Variants in NLGN4X observed in about 807,000 individuals in gnomAD.
The protein encoded by NLGN4X is neuroligin-4, X-linked.
NLGN4X carries 3 observed loss-of-function variants against 40.3 expected under a neutral mutation model. The ratio of observed to expected loss-of-function variants is 0.07; its 90% CI spans 0.03 to 0.19. The LOEUF is 0.19. NLGN4X is among the 10% of genes least tolerant of loss of function. The pLI is 1.00. For missense variants in NLGN4X, 382 were observed against 708.3 expected (o/e 0.54, Z 5.23); for synonymous variants, 270 against 306.8 (o/e 0.88, Z 1.25).
chrX:6,036,383 C>T lies in NLGN4X; in HGVS notation c.473-6951G>A, dbSNP rs1187467910. On this transcript the variant is annotated intron_variant, in intron 2 of 5. Coordinates refer to ENST00000381095, the MANE Select transcript of NLGN4X (RefSeq NM_181332.3). ...GAAACATAATTAGATGCTGTCTTTC[C>T]TGTTCTACGTATATTTAATTTGTTT... Among the ~76,000 whole-genome samples, 17 of 111,553 alleles carry T rather than the reference C, an allele frequency of 1.5e-4. No homozygotes were observed. In the Admixed American group the frequency reaches 1.5e-3, roughly 10 times the overall value.
chrX:6,206,743 G>C (rs1157969799), intron 1 of NLGN4X, among the ~76,000 whole-genome samples: 1 of 111,639 alleles, frequency 9.0e-6, no homozygotes, highest in African/African-American at 3.3e-5. Context: ...TCTTCACATG[G>C]TGGTTACGAC....
intron 4 of NLGN4X, among the ~76,000 whole-genome samples, chrX:5,907,180 T>C (rs2032235862): frequency 9.0e-6 from 1 of 111,707 alleles, no homozygotes; most frequent in South Asian, 3.8e-4. Flanking sequence ...TACAAAGCTG[T>C]CTTGATGACT....
chrX:6,131,690 G>A (rs898596685), intron 2 of NLGN4X, among the ~76,000 whole-genome samples: 6 of 112,271 alleles, frequency 5.3e-5, no homozygotes, highest in Non-Finnish European at 1.1e-4. Context: ...ACCAACTTCT[G>A]TAGCTTTGGA....
At chrX:6,169,035 C>A (rs2040553016) in intron 1 of NLGN4X, among the ~76,000 whole-genome samples, 1 of 112,007 alleles carries the variant, frequency 8.9e-6, no homozygotes, top group African/African-American at 3.2e-5. Flanking sequence ...ACTGTCCTCT[C>A]TCAGAGGGTC....
chrX:5,905,768 C>T (rs1238598789), intron 4 of NLGN4X, among the ~76,000 whole-genome samples: 1 of 112,022 alleles, frequency 8.9e-6, no homozygotes, highest in Non-Finnish European at 1.9e-5. Flanking sequence ...GAGCCTCTGC[C>T]TTCCAGGCTC....
intron 3 of NLGN4X, among the ~76,000 whole-genome samples, chrX:5,991,146 G>A (rs1157645414): frequency 9.0e-6 from 1 of 111,651 alleles, no homozygotes; most frequent in Non-Finnish European, 1.9e-5. Context: ...GCATTTGGGG[G>A]TGAAATATGT....
chrX:5,949,658 C>T (rs2034243194), intron 3 of NLGN4X, among the ~76,000 whole-genome samples: 1 of 111,809 alleles, frequency 8.9e-6, no homozygotes, highest in African/African-American at 3.3e-5. Flanking sequence ...TAGATGAAAA[C>T]TCGCATTATT....
At chrX:6,161,972 G>A (rs945795155) in intron 1 of NLGN4X, among the ~76,000 whole-genome samples, 66 of 111,709 alleles carry the variant, frequency 5.9e-4, no homozygotes, top group African/African-American at 2.1e-3. Context: ...TTAGGTTCAG[G>A]AATTTTTCCT....
intron 5 of NLGN4X, among the ~76,000 whole-genome samples, chrX:5,897,244 A>G (rs768289665): frequency 2.4e-4 from 27 of 111,836 alleles, no homozygotes; most frequent in Admixed American, 1.9e-4. Context: ...CATACCTTAT[A>G]AATAAACCAA....
At position 6,156,587 on chromosome X, in the gene NLGN4X, T is replaced by C. The variant is rs182607984; in HGVS notation, c.-305-4816A>G. Among the ~76,000 whole-genome samples, 334 of 112,084 alleles carry C rather than the reference T, an allele frequency of 3.0e-3. 2 individuals are homozygous for C. The highest frequency in any genetic ancestry group is 0.01 in the African/African-American group (310 of 30,893). On this transcript the variant is annotated intron_variant, in intron 1 of 5. Transcript: ENST00000381095. The stretch of plus-strand genomic sequence containing the variant: ...GCAACATGGATGCAGCTGGAAGCCA[T>C]TATTTTAAGTTAATTAATGCAGAAA...
intron 2 of NLGN4X, among the ~76,000 whole-genome samples, chrX:6,058,419 C>CA (rs753818862): frequency 9.0e-6 from 1 of 111,541 alleles, no homozygotes; most frequent in Non-Finnish European, 1.9e-5. Flanking sequence ...ATTATCTCAT[C>CA]AAAAAACAAA....
At chrX:5,990,058 A>C (rs1219330178) in intron 3 of NLGN4X, among the ~76,000 whole-genome samples, 1 of 99,261 alleles carries the variant, frequency 1.0e-5, no homozygotes, top group African/African-American at 3.7e-5. Context: ...GGGGGATTAC[A>C]TATCTCTGTC....
At chrX:6,034,406 T>C (rs758980309) in intron 2 of NLGN4X, among the ~76,000 whole-genome samples, 2 of 112,679 alleles carry the variant, frequency 1.8e-5, no homozygotes, top group Admixed American at 9.4e-5. Flanking sequence ...ACATTTGGTT[T>C]ATTTCTACTT....
chrX:5,975,765 A>T lies in NLGN4X; in HGVS notation c.625+53515T>A, dbSNP rs191882649. 5.0e-3 allele frequency among the ~76,000 whole-genome samples: 556 copies of T among 111,375 alleles called. 3 individuals are homozygous for T. Among genetic ancestry groups the T allele is most frequent in the African/African-American group, 0.017 (519 of 30,690 alleles). ...ATAAACCTAGTCTTATTAGAAAATTAAAAAAATAAAATAAAAAAATAAATT... is the reference window on the plus strand; with the variant it reads ...ATAAACCTAGTCTTATTAGAAAATTTAAAAAATAAAATAAAAAAATAAATT... On this transcript the variant is annotated intron_variant, in intron 3 of 5. Coordinates refer to ENST00000381095, the MANE Select transcript of NLGN4X (RefSeq NM_181332.3).
intron 2 of NLGN4X, among the ~76,000 whole-genome samples, chrX:6,050,047 G>A (rs2037441288): frequency 8.9e-6 from 1 of 111,864 alleles, no homozygotes; most frequent in South Asian, 3.8e-4. Flanking sequence ...AAAGGTGGCA[G>A]AGAATCTATC....
chrX:6,182,864 C>A (rs190970997), intron 1 of NLGN4X, among the ~76,000 whole-genome samples: 1 of 112,195 alleles, frequency 8.9e-6, no homozygotes, highest in African/African-American at 3.2e-5. Flanking sequence ...CAGAAAGTGG[C>A]CTCCAGAACC....
chrX:5,960,183 TTCAG>T (rs1187371382), intron 3 of NLGN4X, among the ~76,000 whole-genome samples: 5 of 110,217 alleles, frequency 4.5e-5, no homozygotes, highest in African/African-American at 9.9e-5. Flanking sequence ...GAAAATTAAC[TTCAG>T]TCAATTTCCA....
chrX:5,944,424 A>C (rs768172505), intron 3 of NLGN4X, among the ~76,000 whole-genome samples: 1 of 110,431 alleles, frequency 9.1e-6, no homozygotes, highest in Non-Finnish European at 1.9e-5. Context: ...AGGAGGGAGG[A>C]ATGTTCAAGC....
At chrX:5,980,021 A>G (rs1389232258) in intron 3 of NLGN4X, among the ~76,000 whole-genome samples, 1 of 106,480 alleles carries the variant, frequency 9.4e-6, no homozygotes, top group Non-Finnish European at 1.9e-5. Context: ...ACATTCTGTA[A>G]TTTTTAGTAA....
Sources: allele counts gnomAD v4.1 joint callset (sites outside exome capture counted in the v4.1 genomes callset), GRCh38; gene constraint gnomAD v4.1.1; transcripts MANE v1.5; gene names NCBI Gene and HGNC (gene_info 2026-07-23, HGNC 2026-07-21).